RSPO2: variants seen among roughly 807,000 people sequenced by gnomAD.
The protein encoded by RSPO2 is R-spondin 2.
RSPO2 carries 14 observed loss-of-function variants against 30.9 expected under a neutral mutation model. The ratio of observed to expected loss-of-function variants is 0.45; its 90% CI spans 0.30 to 0.71. The LOEUF is 0.71. Among genes scored for constraint, RSPO2 ranks in the 30% least tolerant of loss-of-function variants. RSPO2 has a pLI of 0.08. For missense variants in RSPO2, 264 were observed against 301.9 expected (o/e 0.87, Z 0.93); for synonymous variants, 107 against 96.4 (o/e 1.11, Z -0.64).
At chr8:107,997,974 G>T (rs368641173) in intron 2 of RSPO2, among the ~76,000 whole-genome samples, 1 of 152,162 alleles carries the variant, frequency 6.6e-6, no homozygotes. Flanking sequence ...CTAGGTGAAG[G>T]CATCCATCCT....
At chr8:107,907,032 A>C (rs1811670547) in intron 5 of RSPO2, among the ~76,000 whole-genome samples, 1 of 147,858 alleles carries the variant, frequency 6.8e-6, no homozygotes, top group South Asian at 2.2e-4. Flanking sequence ...TTAAAATGTA[A>C]ATTTAAAAAT....
intron 2 of RSPO2, among the ~76,000 whole-genome samples, chr8:107,999,455 G>C (rs1354021170): frequency 6.6e-6 from 1 of 152,084 alleles, no homozygotes; most frequent in East Asian, 1.9e-4. Flanking sequence ...TTTGTTTTGA[G>C]ACAAAGTCTT....
chr8:107,903,641 C>T (rs1291388498), intron 5 of RSPO2, among the ~76,000 whole-genome samples: 1 of 152,018 alleles, frequency 6.6e-6, no homozygotes, highest in African/African-American at 2.4e-5. Context: ...AATTTTTTAA[C>T]TTGTACAATT....
At chr8:108,020,517 C>T (rs1045410647) in intron 2 of RSPO2, among the ~76,000 whole-genome samples, 2 of 152,206 alleles carry the variant, frequency 1.3e-5, no homozygotes, top group African/African-American at 4.8e-5. Flanking sequence ...CAGTCTCAAA[C>T]TCGAGTTTGT....
intron 5 of RSPO2, among the ~76,000 whole-genome samples, chr8:107,907,087 T>TGG (rs949117154): frequency 2.0e-5 from 3 of 151,972 alleles, no homozygotes; most frequent in African/African-American, 7.2e-5. Context: ...ATAATGTAAA[T>TGG]GGGCATATTT....
At chr8:108,003,791 C>T (rs1815362196) in intron 2 of RSPO2, among the ~76,000 whole-genome samples, 1 of 152,046 alleles carries the variant, frequency 6.6e-6, no homozygotes, top group African/African-American at 2.4e-5. Context: ...AGTGAATAAA[C>T]AGATCAGAGA....
At chr8:108,024,186 C>T (rs1418270379) in intron 2 of RSPO2, among the ~76,000 whole-genome samples, 1 of 152,012 alleles carries the variant, frequency 6.6e-6, no homozygotes, top group Non-Finnish European at 1.5e-5. Flanking sequence ...CCAACGACAA[C>T]TTAAAAAAAA....
chr8:108,074,318 A>G (rs913385475), intron 2 of RSPO2, among the ~76,000 whole-genome samples: 5 of 152,216 alleles, frequency 3.3e-5, no homozygotes, highest in Middle Eastern at 3.2e-3. Flanking sequence ...AAAATAAGAG[A>G]TATTTAATAC....
In RSPO2 at chr8:107,901,153, C is replaced by G. The variant is rs902694121; in HGVS notation, c.654G>C (p.Lys218Asn). ...RTPKAKEKRN[K>N]KKKRKLIERA... The stretch of plus-strand genomic sequence containing the variant: ...TTTCTATCAGCTTCCTTTTCTTTTT[C>G]TTGTTCCTCTTCTCCTTCGCCTTTG... The change falls in exon 6 of 6, where the codon AAG becomes AAC. Residue 218 changes from lysine to asparagine, a missense_variant. Lys to Asn is a moderately conservative substitution (Grantham distance 94, BLOSUM62 0). Coordinates refer to ENST00000276659, the MANE Select transcript of RSPO2 (RefSeq NM_178565.5). 2.5e-6 allele frequency: 4 copies of G among 1,614,034 alleles called. No individual in the cohort carries two copies. The highest frequency in any genetic ancestry group is 3.4e-6 in the Non-Finnish European group (4 of 1,179,966).
chr8:107,971,979 C>A (rs1319567550), intron 3 of RSPO2, among the ~76,000 whole-genome samples: 1 of 152,158 alleles, frequency 6.6e-6, no homozygotes, highest in Admixed American at 6.6e-5. Flanking sequence ...CATGGTTTTA[C>A]CACTCTGTCC....
intron 2 of RSPO2, among the ~76,000 whole-genome samples, chr8:108,068,551 T>C (rs1405594714): frequency 2.6e-5 from 4 of 152,200 alleles, no homozygotes; most frequent in Non-Finnish European, 4.4e-5. Flanking sequence ...ATGGGTTGCA[T>C]TGTGTACTCA....
At chr8:107,933,865 G>C (rs1812630177) in intron 5 of RSPO2, among the ~76,000 whole-genome samples, 1 of 152,086 alleles carries the variant, frequency 6.6e-6, no homozygotes, top group Admixed American at 6.6e-5. Context: ...AAAATTCAAA[G>C]TTCTTTGTCA....
At chr8:107,917,139 G>A (rs1563519379) in intron 5 of RSPO2, among the ~76,000 whole-genome samples, 1 of 152,156 alleles carries the variant, frequency 6.6e-6, no homozygotes, top group Non-Finnish European at 1.5e-5. Context: ...TCTTCATTGG[G>A]TCTTGTTTGA....
intron 2 of RSPO2, among the ~76,000 whole-genome samples, chr8:108,005,942 C>T (rs1368718215): frequency 2.0e-5 from 3 of 152,090 alleles, no homozygotes; most frequent in East Asian, 3.9e-4. Flanking sequence ...ATTTATCTTT[C>T]ACATAAATAG....
intron 3 of RSPO2, among the ~76,000 whole-genome samples, chr8:107,988,500 T>C (rs540113775): frequency 5.2e-4 from 79 of 152,086 alleles, no homozygotes; most frequent in Non-Finnish European, 7.9e-4. Context: ...CTTGAGATCG[T>C]TGTGATTAAA....
At chr8:108,011,229 GAAAGGA>G in intron 2 of RSPO2, among the ~76,000 whole-genome samples, 1 of 148,840 alleles carries the variant, frequency 6.7e-6, no homozygotes, top group African/African-American at 2.6e-5. Flanking sequence ...AAGGAAAAGG[GAAAGGA>G]AAAGGAAAGG....
rs1392311189 is a variant in RSPO2 at position 108,018,311 on chromosome 8, G to T, written c.95-29067C>A. On this transcript the variant is annotated intron_variant, in intron 2 of 5. Coordinates refer to ENST00000276659, the MANE Select transcript of RSPO2 (RefSeq NM_178565.5). Reference sequence around the variant, plus strand: ...ATAAAGTATTGGTTTACAAGGGGAAGAATGCCTATAGTAATGACACATGGC... The same window carrying T: ...ATAAAGTATTGGTTTACAAGGGGAATAATGCCTATAGTAATGACACATGGC... Among the ~76,000 whole-genome samples the T allele has an allele frequency of 2.0e-5, 3 of 152,140 alleles. No homozygotes were observed. The East Asian group carries it at 5.8e-4, about 29-fold the overall frequency.
chr8:107,918,660 G>A (rs1242771239), intron 5 of RSPO2, among the ~76,000 whole-genome samples: 2 of 152,074 alleles, frequency 1.3e-5, no homozygotes, highest in Non-Finnish European at 2.9e-5. Context: ...CTTTTAAAAA[G>A]TCTTATCTGA....
chr8:108,025,581 G>A (rs1811192332), intron 2 of RSPO2, among the ~76,000 whole-genome samples: 1 of 152,140 alleles, frequency 6.6e-6, no homozygotes, highest in South Asian at 2.1e-4. Flanking sequence ...CTGGAGTACA[G>A]TGGCATAATC....
Sources: gnomAD v4.1 joint callset for allele counts (sites outside exome capture counted in the v4.1 genomes callset) on GRCh38, gnomAD v4.1.1 for gene constraint, MANE v1.5 for transcripts, NCBI Gene and HGNC (gene_info 2026-07-23, HGNC 2026-07-21) for gene names.